Variants in TMEM108 observed in about 807,000 individuals in gnomAD.
The protein encoded by TMEM108 is transmembrane protein 108.
A neutral mutation model predicts 35.1 loss-of-function variants in TMEM108; 12 were observed. The observed-to-expected ratio is 0.34, with a 90% CI of 0.22 to 0.55. The LOEUF (loss-of-function observed/expected upper bound fraction) is 0.55, where lower values mean the gene tolerates loss of function less well. Among genes scored for constraint, TMEM108 ranks in the 20% least tolerant of loss-of-function variants. The pLI is 0.89. For synonymous variants in TMEM108, 287 were observed against 308.6 expected, an observed-to-expected ratio of 0.93 and a Z score of 0.73; for missense variants, 680 against 753.3, an observed-to-expected ratio of 0.90 and a Z score of 1.14.
intron 2 of TMEM108, among the ~76,000 whole-genome samples, chr3:133,167,721 T>G (rs1036654023): frequency 1.3e-5 from 2 of 152,174 alleles, no homozygotes; most frequent in Non-Finnish European, 2.9e-5. Context: ...CACCCGGAAC[T>G]TGCGCTGGCC....
At chr3:133,375,273 T>C (rs2072800763) in intron 3 of TMEM108, among the ~76,000 whole-genome samples, 1 of 152,170 alleles carries the variant, frequency 6.6e-6, no homozygotes, top group Non-Finnish European at 1.5e-5. Flanking sequence ...GGTCCTGAGC[T>C]CATGTATGCA....
At chr3:133,344,930 G>A (rs933257560) in intron 3 of TMEM108, among the ~76,000 whole-genome samples, 4 of 151,764 alleles carry the variant, frequency 2.6e-5, no homozygotes, top group Admixed American at 2.6e-4. Flanking sequence ...AAGTTTTTAG[G>A]TTGTCAAAGA....
chr3:133,202,302 G>T (rs751753614), intron 2 of TMEM108, among the ~76,000 whole-genome samples: 29 of 151,982 alleles, frequency 1.9e-4, no homozygotes, highest in Non-Finnish European at 4.0e-4. Context: ...GTTTAATTAG[G>T]CCCCATTTGT....
intron 3 of TMEM108, among the ~76,000 whole-genome samples, chr3:133,252,451 A>G (rs58736759): frequency 0.045 from 6,813 of 152,222 alleles, 509 homozygotes; most frequent in African/African-American, 0.15. Context: ...TTTAATCACA[A>G]TTCGTGAGCC....
chr3:133,119,242 A>G (rs1331045969), intron 2 of TMEM108: 1 of 152,102 alleles, frequency 6.6e-6, no homozygotes, highest in Non-Finnish European at 1.5e-5. Flanking sequence ...AGCTGAAAAA[A>G]AAAAAGAGGG....
At chr3:133,166,544 T>C (rs1454104526) in intron 2 of TMEM108, among the ~76,000 whole-genome samples, 1 of 152,114 alleles carries the variant, frequency 6.6e-6, no homozygotes, top group Non-Finnish European at 1.5e-5. Flanking sequence ...TTCTGGTGGG[T>C]TTGTGGTGTC....
Position 133,380,114 on chromosome 3 carries a change from G to T in TMEM108, c.403G>T (p.Gly135Trp). Residue 135 changes from glycine to tryptophan, a missense_variant, in exon 4 of 6, where the codon GGG becomes TGG. Coordinates refer to ENST00000321871, the MANE Select transcript of TMEM108 (RefSeq NM_023943.4). This position sits in a 1 kb window ranked among gnomAD's most constrained non-coding sequence, Gnocchi z 5.3. Reference sequence around the variant, plus strand: ...CTCCAAGCCAGAGGGCCGCCCTCGAGGGCAGGCTGCCCCCACCATCCTGCT... The same window carrying T: ...CTCCAAGCCAGAGGGCCGCCCTCGATGGCAGGCTGCCCCCACCATCCTGCT... The part of the protein sequence containing the change: ...TSSKPEGRPR[G>W]QAAPTILLTK... The T allele has an allele frequency of 6.2e-6, 10 of 1,613,934 alleles. No homozygotes were observed. The highest frequency in any genetic ancestry group is 1.3e-5 in the African/African-American group (1 of 74,992).
At chr3:133,145,846 C>G (rs938107271) in intron 2 of TMEM108, among the ~76,000 whole-genome samples, 4 of 152,184 alleles carry the variant, frequency 2.6e-5, no homozygotes, top group African/African-American at 7.2e-5. Context: ...AGTTGCTTAT[C>G]AGCTTGAGGA....
chr3:133,394,043 G>A (rs2073271575), intron 5 of TMEM108, among the ~76,000 whole-genome samples: 1 of 152,146 alleles, frequency 6.6e-6, no homozygotes, highest in Non-Finnish European at 1.5e-5. Context: ...CTCTTGTTCT[G>A]CTTTATTTAG....
At chr3:133,052,406 A>T (rs982340673) in intron 2 of TMEM108, among the ~76,000 whole-genome samples, 3 of 151,902 alleles carry the variant, frequency 2.0e-5, no homozygotes, top group Non-Finnish European at 4.4e-5. Context: ...TTTTCTACCC[A>T]GGTGATCATA....
At chr3:133,214,532 T>C (rs1266948900) in intron 2 of TMEM108, among the ~76,000 whole-genome samples, 1 of 152,166 alleles carries the variant, frequency 6.6e-6, no homozygotes, top group Non-Finnish European at 1.5e-5. Flanking sequence ...GAGACGGAAA[T>C]CTCATGTTCT....
chr3:133,174,061 C>G (rs1265129212), intron 2 of TMEM108, among the ~76,000 whole-genome samples: 1 of 152,232 alleles, frequency 6.6e-6, no homozygotes, highest in Non-Finnish European at 1.5e-5. Flanking sequence ...GGTCCTATTC[C>G]CACGGAGCCT....
At chr3:133,383,925 A>G (rs1444725670) in intron 4 of TMEM108, among the ~76,000 whole-genome samples, 1 of 152,170 alleles carries the variant, frequency 6.6e-6, no homozygotes, top group Non-Finnish European at 1.5e-5. Context: ...CATCAGCTCC[A>G]TGTCCTCAGT....
chr3:133,395,230 A>G (rs948871015), intron 5 of TMEM108, among the ~76,000 whole-genome samples: 3 of 152,236 alleles, frequency 2.0e-5, no homozygotes, highest in African/African-American at 7.2e-5. Flanking sequence ...TCACACAGAG[A>G]TGCAGATCCA....
intron 3 of TMEM108, among the ~76,000 whole-genome samples, chr3:133,302,177 G>A (rs1449879811): frequency 6.6e-6 from 1 of 152,150 alleles, no homozygotes; most frequent in Admixed American, 6.5e-5. Flanking sequence ...GTTGTCTGAA[G>A]CTTGGAATTG....
chr3:133,286,461 G>A (rs1269722119), intron 3 of TMEM108, among the ~76,000 whole-genome samples: 1 of 152,128 alleles, frequency 6.6e-6, no homozygotes, highest in Non-Finnish European at 1.5e-5. Flanking sequence ...AGCCTCCCAA[G>A]TAGCCAGGAC....
intron 2 of TMEM108, among the ~76,000 whole-genome samples, chr3:133,215,596 G>A (rs746544894): frequency 6.6e-6 from 1 of 152,044 alleles, no homozygotes; most frequent in African/African-American, 2.4e-5. Flanking sequence ...CCCCTTGCCT[G>A]TTATAAGTTG....
Position 133,380,253 on chromosome 3 carries a change from G to A in TMEM108, c.542G>A (p.Arg181His), listed in dbSNP as rs866075699. 7.4e-6 allele frequency: 12 copies of A among 1,613,784 alleles called. No homozygotes were observed. Among genetic ancestry groups the A allele is most frequent in the Middle Eastern group, 1.6e-4 (1 of 6,062 alleles). ...CGAAAAGGGGCTGGTAATTCATCAC[G>A]CCCTGTCCCGCCTGCACCTGGTGGC... is the stretch of plus-strand genomic sequence containing the variant. ...SSRKGAGNSS[R>H]PVPPAPGGHS... Residue 181 changes from arginine (R) to histidine (H), a missense_variant, in exon 4 of 6, where the codon CGC becomes CAC. Physicochemically the swap from Arg to His is conservative, Grantham distance 29. This residue lies in a region of TMEM108 where 526 missense variants were observed against 532.1 expected (regional missense o/e 0.99). Transcript: ENST00000321871. This position sits in a 1 kb window ranked among gnomAD's most constrained non-coding sequence, Gnocchi z 5.3.
At chr3:133,126,174 A>T (rs1312987205) in intron 2 of TMEM108, among the ~76,000 whole-genome samples, 2 of 152,078 alleles carry the variant, frequency 1.3e-5, no homozygotes, top group African/African-American at 4.8e-5. Flanking sequence ...TTTTTAAAAA[A>T]GTGATGTTCT....
Sources: gnomAD v4.1 joint callset for allele counts (sites outside exome capture counted in the v4.1 genomes callset) on GRCh38, gnomAD v4.1.1 for gene constraint, gnomAD v4.1.1 regional missense constraint, Gnocchi (gnomAD v3.1) non-coding constraint, MANE v1.5 for transcripts, NCBI Gene and HGNC (gene_info 2026-07-23, HGNC 2026-07-21) for gene names.